The following NKAIN3 variants were observed in gnomAD, a reference collection of about 807,000 sequenced individuals.
NKAIN3 encodes sodium/potassium-transporting ATPase subunit beta-1-interacting protein 3.
Under a neutral mutation model 30.2 loss-of-function variants are expected in NKAIN3, and 25 were observed. That is an observed-to-expected ratio of 0.83 (90% CI 0.60 to 1.16). The LOEUF (loss-of-function observed/expected upper bound fraction) is 1.16. Among genes scored for constraint, NKAIN3 ranks in the 50% most tolerant of loss-of-function variants. NKAIN3 has a pLI of 0.00. For synonymous variants in NKAIN3, 91 were observed against 89.6 expected, an observed-to-expected ratio of 1.02 and a Z score of -0.09; for missense variants, 225 against 254.1, an observed-to-expected ratio of 0.89 and a Z score of 0.78.
rs187423429 is a variant in NKAIN3 at position 62,501,015 on chromosome 8, G to A, written c.55-78524G>A. 2.0e-5 allele frequency among the ~76,000 whole-genome samples: 3 copies of A among 152,134 alleles called. No individual in the cohort carries two copies. The East Asian group carries it at 5.8e-4, about 29-fold the overall frequency. On this transcript the variant is annotated intron_variant, in intron 1 of 6. Coordinates refer to ENST00000623646, the MANE Select transcript of NKAIN3 (RefSeq NM_001304533.3). The stretch of plus-strand genomic sequence containing the variant: ...ATTGAGAAAATATCCATTATTCTTT[G>A]TTATGCTAATTATATTCACATAAAC...
chr8:62,925,054 T>A (rs1049732970), intron 5 of NKAIN3, among the ~76,000 whole-genome samples: 1 of 152,176 alleles, frequency 6.6e-6, no homozygotes, highest in Admixed American at 6.5e-5. Context: ...TCCTTTCAAA[T>A]AACTAAAAAC....
intron 4 of NKAIN3, among the ~76,000 whole-genome samples, chr8:62,770,472 TG>T (rs1463226234): frequency 6.6e-6 from 1 of 152,196 alleles, no homozygotes; most frequent in South Asian, 2.1e-4. Context: ...CAGTGTCTCA[TG>T]GGGGCCTACT....
At chr8:62,440,545 T>C (rs1253024889) in intron 1 of NKAIN3, among the ~76,000 whole-genome samples, 1 of 152,220 alleles carries the variant, frequency 6.6e-6, no homozygotes, top group Non-Finnish European at 1.5e-5. Flanking sequence ...TGCCATTATA[T>C]GTCCTTCATC....
At chr8:62,428,917 G>A (rs541059126) in intron 1 of NKAIN3, among the ~76,000 whole-genome samples, 13 of 151,928 alleles carry the variant, frequency 8.6e-5, no homozygotes, top group Non-Finnish European at 1.0e-4. Context: ...TCAATGATCT[G>A]GAGCATTTGT....
chr8:62,658,346 G>A (rs548926551), intron 3 of NKAIN3, among the ~76,000 whole-genome samples: 1 of 152,262 alleles, frequency 6.6e-6, no homozygotes, highest in Non-Finnish European at 1.5e-5. Flanking sequence ...TCGCGGTGAG[G>A]ATTCAGTACA....
intron 3 of NKAIN3, among the ~76,000 whole-genome samples, chr8:62,610,092 T>A (rs558727759): frequency 6.6e-6 from 1 of 152,074 alleles, no homozygotes; most frequent in South Asian, 2.1e-4. Context: ...ATGCCTATAA[T>A]CCCAGCACTT....
chr8:62,600,905 C>T (rs927084879), intron 3 of NKAIN3, among the ~76,000 whole-genome samples: 1 of 152,040 alleles, frequency 6.6e-6, no homozygotes, highest in East Asian at 1.9e-4. Flanking sequence ...TTGAATTGTT[C>T]CTTTGCACTT....
chr8:62,963,783 T>G (rs1365022867), intron 6 of NKAIN3, among the ~76,000 whole-genome samples: 1 of 152,210 alleles, frequency 6.6e-6, no homozygotes, highest in East Asian at 1.9e-4. Flanking sequence ...GCCTGGAGGA[T>G]TCCCACTCCT....
At chr8:62,935,639 G>T (rs191977692) in intron 5 of NKAIN3, among the ~76,000 whole-genome samples, 7 of 152,018 alleles carry the variant, frequency 4.6e-5, no homozygotes. Flanking sequence ...AAAAAAGATC[G>T]ATATACATAG....
At chr8:62,675,095 G>T (rs748571204) in intron 3 of NKAIN3, among the ~76,000 whole-genome samples, 16 of 152,130 alleles carry the variant, frequency 1.1e-4, no homozygotes, top group African/African-American at 3.9e-4. Flanking sequence ...TAATATTTTG[G>T]AGTTTCAGTA....
intron 3 of NKAIN3, among the ~76,000 whole-genome samples, chr8:62,594,307 A>C (rs1043539077): frequency 1.3e-5 from 2 of 152,050 alleles, no homozygotes; most frequent in Non-Finnish European, 2.9e-5. Context: ...CAAGAATTAA[A>C]TTGACATCTA....
chr8:62,448,273 T>G (rs939315870), intron 1 of NKAIN3, among the ~76,000 whole-genome samples: 9 of 151,794 alleles, frequency 5.9e-5, no homozygotes, highest in Non-Finnish European at 1.0e-4. Context: ...GGACAGAGAC[T>G]ACAAAGAGCT....
In NKAIN3 at chr8:62,973,472, G is replaced by A. The variant is rs1371413099; in HGVS notation, c.*8065G>A. ...TGGCTGCATAAATGTCTTCTTTTAA[G>A]AAGTGTCTATTCATATCCTTAACCC... On this transcript the variant is annotated 3_prime_UTR_variant, in exon 7 of 7. Transcript: ENST00000623646. 6.6e-6 allele frequency among the ~76,000 whole-genome samples: 1 copy of A among 151,908 alleles called. No individual in the cohort carries two copies. The highest frequency in any genetic ancestry group is 1.9e-4 in the East Asian group (1 of 5,152).
In NKAIN3 at chr8:62,265,153, G is replaced by C. The variant is rs186217360; in HGVS notation, c.54+16026G>C. On this transcript the variant is annotated intron_variant, in intron 1 of 6. Coordinates refer to ENST00000623646, the MANE Select transcript of NKAIN3 (RefSeq NM_001304533.3). The stretch of plus-strand genomic sequence containing the variant: ...GTGTATAAGTGATGTATTCTTAACT[G>C]TCTACTGCCCAAATCATTATTTAAA... 8.5e-5 allele frequency among the ~76,000 whole-genome samples: 13 copies of C among 152,286 alleles called. No individual in the cohort carries two copies. The East Asian group carries it at 2.3e-3, about 27-fold the overall frequency.
At chr8:62,832,527 C>T (rs890906988) in intron 4 of NKAIN3, among the ~76,000 whole-genome samples, 2 of 147,920 alleles carry the variant, frequency 1.4e-5, no homozygotes, top group African/African-American at 2.7e-5. Context: ...TAACAACACT[C>T]ATAGGCTCAA....
chr8:62,315,372 C>A (rs1157325767), intron 1 of NKAIN3, among the ~76,000 whole-genome samples: 1 of 152,102 alleles, frequency 6.6e-6, no homozygotes, highest in Non-Finnish European at 1.5e-5. Flanking sequence ...TTCCAGGGTA[C>A]CCCTGGGATT....
intron 4 of NKAIN3, among the ~76,000 whole-genome samples, chr8:62,839,966 T>C (rs896595376): frequency 6.6e-6 from 1 of 152,118 alleles, no homozygotes; most frequent in Non-Finnish European, 1.5e-5. Context: ...ATACATTAGT[T>C]CTAGAATTTT....
At chr8:62,520,932 A>C (rs896999643) in intron 1 of NKAIN3, among the ~76,000 whole-genome samples, 1 of 151,592 alleles carries the variant, frequency 6.6e-6, no homozygotes, top group Non-Finnish European at 1.5e-5. Context: ...TTCACCAGGA[A>C]GTAGCCGACT....
chr8:62,732,297 T>C (rs1341227416), intron 3 of NKAIN3, among the ~76,000 whole-genome samples: 2 of 152,094 alleles, frequency 1.3e-5, no homozygotes, highest in African/African-American at 2.4e-5. Context: ...ATTGATAATG[T>C]TACATTGATT....
Sources: allele counts gnomAD v4.1 joint callset (sites outside exome capture counted in the v4.1 genomes callset), GRCh38; gene constraint gnomAD v4.1.1; transcripts MANE v1.5; gene names NCBI Gene and HGNC (gene_info 2026-07-23, HGNC 2026-07-21).